The following PPP2R2B variants were observed in gnomAD, a reference collection of about 807,000 sequenced individuals.
The protein encoded by PPP2R2B is serine/threonine-protein phosphatase 2A 55 kDa regulatory subunit B beta isoform.
A neutral mutation model predicts 46.0 loss-of-function variants in PPP2R2B; 5 were observed. The ratio of observed to expected loss-of-function variants is 0.11; its 90% CI spans 0.06 to 0.23. The LOEUF is 0.23. Among genes scored for constraint, PPP2R2B ranks in the 10% least tolerant of loss-of-function variants. PPP2R2B has a pLI of 1.00. For missense variants in PPP2R2B, 367 were observed against 575.0 expected, an observed-to-expected ratio of 0.64 and a Z score of 3.70; for synonymous variants, 215 against 206.7, an observed-to-expected ratio of 1.04 and a Z score of -0.34.
intron 2 of PPP2R2B, among the ~76,000 whole-genome samples, chr5:146,852,463 A>T (rs781549262): frequency 1.7e-4 from 26 of 152,162 alleles, no homozygotes; most frequent in Non-Finnish European, 2.8e-4. Flanking sequence ...ACACTAGCTC[A>T]GTCAAGTTTC....
intron 1 of PPP2R2B, among the ~76,000 whole-genome samples, chr5:146,998,377 T>C (rs1754015301): frequency 6.6e-6 from 1 of 152,158 alleles, no homozygotes; most frequent in Non-Finnish European, 1.5e-5. Flanking sequence ...TAAATATCCT[T>C]AATTGAGTCG....
chr5:146,592,609 G>A (rs1379850961), intron 9 of PPP2R2B, among the ~76,000 whole-genome samples: 4 of 152,200 alleles, frequency 2.6e-5, no homozygotes, highest in Admixed American at 2.6e-4. Context: ...TTTTTGATCT[G>A]GAAAGCCTAC....
At chr5:146,901,857 A>G (rs1290617392) in intron 1 of PPP2R2B, among the ~76,000 whole-genome samples, 1 of 152,170 alleles carries the variant, frequency 6.6e-6, no homozygotes, top group African/African-American at 2.4e-5. Context: ...AGTAGTGCAA[A>G]CACCTCAAGA....
rs551016876 is a variant in PPP2R2B, at chr5:146,600,456, A to C, written c.795T>G (p.Phe265Leu). ...SALCDRHTKF[F>L]EEPEDPSNRS... The stretch of plus-strand genomic sequence containing the variant: ...TGTTGCTTGGATCTTCCGGCTCTTC[A>C]AAAACTGCAGAACAAAAGCAAAACA... The change falls in exon 8 of 10, where the codon TTT (phenylalanine) becomes TTG (leucine). Residue 265 changes from phenylalanine (F) to leucine (L), a missense_variant. Physicochemically the swap from Phe to Leu is conservative, Grantham distance 22. This residue lies in a region of PPP2R2B where 361 missense variants were observed against 545.5 expected (regional missense o/e 0.66). Transcript: ENST00000394411. The C allele has an allele frequency of 6.2e-7, 1 of 1,613,608 alleles. No homozygotes were observed. Among genetic ancestry groups the C allele is most frequent in the South Asian group, 1.1e-5 (1 of 91,048 alleles).
At chr5:147,048,882 C>A (rs1008523191) in intron 1 of PPP2R2B, among the ~76,000 whole-genome samples, 2 of 152,086 alleles carry the variant, frequency 1.3e-5, no homozygotes, top group African/African-American at 4.8e-5. Flanking sequence ...GTTCTGCCTA[C>A]TGGAGATATA....
At chr5:146,814,900 C>T (rs899830717) in intron 2 of PPP2R2B, among the ~76,000 whole-genome samples, 1 of 152,170 alleles carries the variant, frequency 6.6e-6, no homozygotes, top group Non-Finnish European at 1.5e-5. Flanking sequence ...TTCCTTTCAC[C>T]CCTGCCTTGG....
At chr5:146,689,228 A>G (rs1371148939) in intron 5 of PPP2R2B, among the ~76,000 whole-genome samples, 1 of 152,178 alleles carries the variant, frequency 6.6e-6, no homozygotes, top group Non-Finnish European at 1.5e-5. Flanking sequence ...TAACTTATTG[A>G]ATCCTCACAA....
chr5:147,049,851 C>A (rs1756719672), intron 1 of PPP2R2B, among the ~76,000 whole-genome samples: 1 of 152,100 alleles, frequency 6.6e-6, no homozygotes. Flanking sequence ...AAGTGCAAAT[C>A]AGAGGAGAGG....
At chr5:147,024,454 CATT>C (rs2151887302) in intron 1 of PPP2R2B, among the ~76,000 whole-genome samples, 1 of 152,224 alleles carries the variant, frequency 6.6e-6, no homozygotes, top group East Asian at 1.9e-4. Context: ...GATGCAAACA[CATT>C]ATTATCCAAT....
rs1348605459 is a variant in PPP2R2B at position 146,638,393 on chromosome 5, G to A, written c.648C>T (p.Ala216=). 1.2e-6 allele frequency: 2 copies of A among 1,611,016 alleles called. No individual in the cohort carries two copies. ...TCACCTCCGTGAGCTCCTCCATGTT[G>A]GCTGGCTTAATGTCCACAATATCTG... The part of the protein sequence containing the change: ...QSFNIVDIKP[A]NMEELTEVIT... Residue 216 remains alanine (A), a synonymous_variant, in exon 7 of 10, where the codon GCC becomes GCT. Coordinates refer to ENST00000394411, the MANE Select transcript of PPP2R2B (RefSeq NM_181675.4).
intron 2 of PPP2R2B, among the ~76,000 whole-genome samples, chr5:146,817,927 G>GCT (rs1160295526): frequency 2.0e-5 from 3 of 152,196 alleles, no homozygotes; most frequent in Non-Finnish European, 4.4e-5. Context: ...TGCTCACACT[G>GCT]CTCTGCACCA....
chr5:146,920,784 T>C (rs758772055), intron 1 of PPP2R2B, among the ~76,000 whole-genome samples: 18 of 152,164 alleles, frequency 1.2e-4, no homozygotes, highest in African/African-American at 3.9e-4. Flanking sequence ...GTTTGTTTTG[T>C]AGGGGAGTGG....
chr5:146,643,164 AAG>A (rs1775332442), intron 6 of PPP2R2B, among the ~76,000 whole-genome samples: 1 of 151,938 alleles, frequency 6.6e-6, no homozygotes, highest in South Asian at 2.1e-4. Flanking sequence ...GACCACGTAA[AAG>A]ATATTACACA....
chr5:146,856,900 C>T (rs1760704804), intron 2 of PPP2R2B, among the ~76,000 whole-genome samples: 1 of 152,210 alleles, frequency 6.6e-6, no homozygotes, highest in Non-Finnish European at 1.5e-5. Flanking sequence ...AAAAATCAAA[C>T]TCACAGGCCT....
intron 3 of PPP2R2B, among the ~76,000 whole-genome samples, chr5:146,698,582 C>T (rs1779344919): frequency 6.6e-6 from 1 of 151,756 alleles, no homozygotes; most frequent in Admixed American, 6.6e-5. Context: ...AAAATTGTAG[C>T]ATCTATGACT....
In PPP2R2B at chr5:146,589,793, A is replaced by C; in HGVS notation, c.*154T>G. 2.5e-6 allele frequency: 2 copies of C among 799,964 alleles called. No homozygotes were observed. The highest frequency in any genetic ancestry group is 3.9e-6 in the Non-Finnish European group (2 of 510,150). The allele number at this position is 799,964 out of a possible 1,614,324, so 49.6% of individuals were successfully genotyped here. ...TGACAAAAGTTTCTTAGAACTGGGG[A>C]GCTGGGAATGTTGGACTCCTTTTAA... On this transcript the variant is annotated 3_prime_UTR_variant, in exon 10 of 10. Coordinates refer to ENST00000394411, the MANE Select transcript of PPP2R2B (RefSeq NM_181675.4).
chr5:146,722,216 T>A (rs1422969293), intron 2 of PPP2R2B, among the ~76,000 whole-genome samples: 11 of 152,194 alleles, frequency 7.2e-5, no homozygotes, highest in Non-Finnish European at 1.5e-5. Context: ...TTAGGTACTA[T>A]CTTACAGCTT....
chr5:146,851,110 G>A (rs907824327), intron 2 of PPP2R2B, among the ~76,000 whole-genome samples: 2 of 152,122 alleles, frequency 1.3e-5, no homozygotes, highest in African/African-American at 4.8e-5. Context: ...GGACATAAGA[G>A]GACATGAAGA....
At chr5:147,016,549 C>CGTAAGGGAAAGGAAGAAA (rs1755014018) in intron 1 of PPP2R2B, among the ~76,000 whole-genome samples, 1 of 151,692 alleles carries the variant, frequency 6.6e-6, no homozygotes, top group Non-Finnish European at 1.5e-5. Context: ...TCTGAGAAAA[C>CGTAAGGGAAAGGAAGAAA]ATAGGGGACA....
Sources: gnomAD v4.1 joint callset for allele counts (sites outside exome capture counted in the v4.1 genomes callset) on GRCh38, gnomAD v4.1.1 for gene constraint, gnomAD v4.1.1 regional missense constraint, MANE v1.5 for transcripts, NCBI Gene and HGNC (gene_info 2026-07-23, HGNC 2026-07-21) for gene names.